Variants in SENP2 observed in about 807,000 individuals in gnomAD.
The protein encoded by SENP2 is SUMO specific peptidase 2.
SENP2 carries 16 observed loss-of-function variants against 86.3 expected under a neutral mutation model. That is an observed-to-expected ratio of 0.19 (90% CI 0.13 to 0.28). The LOEUF (loss-of-function observed/expected upper bound fraction) is 0.28, where lower values mean the gene tolerates loss of function less well. Ranked by LOEUF, SENP2 falls within the 10% of genes least tolerant of loss-of-function variation. The pLI is 1.00. For synonymous variants in SENP2, 222 were observed against 238.7 expected, an observed-to-expected ratio of 0.93 and a Z score of 0.64; for missense variants, 552 against 703.0, an observed-to-expected ratio of 0.79 and a Z score of 2.43.
chr3:185,595,991 A>G (rs1481002142), intron 2 of SENP2, among the ~76,000 whole-genome samples: 1 of 151,782 alleles, frequency 6.6e-6, no homozygotes, highest in Admixed American at 6.6e-5. Context: ...TTTGAGATGG[A>G]GTCTCACGCT....
chr3:185,616,008 G>A (rs559947638), intron 11 of SENP2, among the ~76,000 whole-genome samples: 15 of 151,568 alleles, frequency 9.9e-5, no homozygotes, highest in Admixed American at 3.9e-4. Context: ...GACTACAGGC[G>A]CGTGCCACCA....
chr3:185,594,497 A>G (rs1722110541), intron 2 of SENP2, among the ~76,000 whole-genome samples: 1 of 152,186 alleles, frequency 6.6e-6, no homozygotes, highest in Non-Finnish European at 1.5e-5. Context: ...AAGTTAGGTA[A>G]CCATATCTGG....
intron 1 of SENP2, among the ~76,000 whole-genome samples, 168 bp from the exon 2 acceptor site, chr3:185,589,946 G>T (rs1188570402): frequency 6.6e-6 from 1 of 152,076 alleles, no homozygotes; most frequent in African/African-American, 2.4e-5. Context: ...GGGATTACAG[G>T]CACGAGCCAC....
At chr3:185,598,265 C>A in intron 2 of SENP2, 147 bp from the exon 3 acceptor site, 1 of 824,834 alleles carries the variant, frequency 1.2e-6, no homozygotes, top group Non-Finnish European at 1.9e-6. Context: ...CTCAGCCTCC[C>A]AAAGTGTTGG....
intron 1 of SENP2, among the ~76,000 whole-genome samples, chr3:185,587,460 C>T (rs2148978009): frequency 6.6e-6 from 1 of 152,248 alleles, no homozygotes; most frequent in South Asian, 2.1e-4. Flanking sequence ...TTAGCATCTA[C>T]TCTTTGGAGT....
At chr3:185,616,152 C>T (rs1711593627) in intron 11 of SENP2, among the ~76,000 whole-genome samples, 1 of 147,920 alleles carries the variant, frequency 6.8e-6, no homozygotes, top group South Asian at 2.2e-4. Context: ...TGAGCCACCA[C>T]ACCCAGCCTT....
At chr3:185,614,078 G>C (rs570804655) in intron 10 of SENP2, among the ~76,000 whole-genome samples, 1 of 152,154 alleles carries the variant, frequency 6.6e-6, no homozygotes, top group East Asian at 1.9e-4. Flanking sequence ...TACAATTGTG[G>C]TTATATAGGT....
At chr3:185,594,598 C>T (rs1435485334) in intron 2 of SENP2, among the ~76,000 whole-genome samples, 1 of 151,156 alleles carries the variant, frequency 6.6e-6, no homozygotes, top group Non-Finnish European at 1.5e-5. Context: ...GAAAGAAGAC[C>T]TCAGAATTTC....
intron 2 of SENP2, among the ~76,000 whole-genome samples, chr3:185,595,828 T>G (rs1043274477): frequency 1.5e-4 from 22 of 146,066 alleles, no homozygotes; most frequent in Non-Finnish European, 2.8e-4. Flanking sequence ...TGAGACAGGA[T>G]CTCCCTCTGT....
intron 4 of SENP2, among the ~76,000 whole-genome samples, chr3:185,599,230 A>G (rs181956432): frequency 6.6e-6 from 1 of 152,330 alleles, no homozygotes; most frequent in East Asian, 1.9e-4. Context: ...CAGTGTCCTC[A>G]ATGTGACTTA....
chr3:185,593,669 G>A (rs1254379556), intron 2 of SENP2, among the ~76,000 whole-genome samples: 1 of 151,072 alleles, frequency 6.6e-6, no homozygotes, highest in African/African-American at 2.4e-5. Flanking sequence ...TCTAATATAT[G>A]CTAATCTCCC....
At chr3:185,628,548 C>A (rs559577842) in intron 16 of SENP2, among the ~76,000 whole-genome samples, 1 of 152,100 alleles carries the variant, frequency 6.6e-6, no homozygotes, top group African/African-American at 2.4e-5. Flanking sequence ...TTCTTGTTGC[C>A]CAGGCTGGAG....
At chr3:185,605,000 C>T (rs961971313) in intron 5 of SENP2, among the ~76,000 whole-genome samples, 4 of 151,290 alleles carry the variant, frequency 2.6e-5, no homozygotes, top group African/African-American at 4.8e-5. Flanking sequence ...GTGATCCACC[C>T]GCCTCAGCCT....
At chr3:185,609,052 C>T (rs1301843869) in intron 6 of SENP2, 195 bp from the exon 7 acceptor site, 5 of 491,974 alleles carry the variant, frequency 1.0e-5, no homozygotes, top group Admixed American at 7.0e-5. Flanking sequence ...TGGGATAGCC[C>T]TACATATAGA....
In SENP2 at chr3:185,629,911, A is replaced by G. The variant is rs921338256; in HGVS notation, c.*67A>G. 2 of 1,499,088 alleles carry G rather than the reference A, an allele frequency of 1.3e-6. No individual in the cohort carries two copies. The highest frequency in any genetic ancestry group is 1.1e-5 in the South Asian group (1 of 88,568). The allele number at this position is 1,499,088 out of a possible 1,614,324, so 92.9% of individuals were successfully genotyped here. On this transcript the variant is annotated 3_prime_UTR_variant, in exon 17 of 17. Transcript: ENST00000296257. Reference sequence around the variant, plus strand: ...ACAGACATTTCCATATACCTCATGCATTGTGGGTTAAAAAGTCCCTGCATC... The same window carrying G: ...ACAGACATTTCCATATACCTCATGCGTTGTGGGTTAAAAAGTCCCTGCATC...
chr3:185,619,818 C>T (rs1711774329), intron 13 of SENP2, among the ~76,000 whole-genome samples: 1 of 151,992 alleles, frequency 6.6e-6, no homozygotes. Flanking sequence ...GCCTGGAAGT[C>T]CTGGACTCAG....
chr3:185,621,392 T>TC (rs955065507), intron 13 of SENP2, among the ~76,000 whole-genome samples: 4 of 131,606 alleles, frequency 3.0e-5, no homozygotes, highest in African/African-American at 5.7e-5. Flanking sequence ...TTTTCTTTTT[T>TC]TTTTTTTTTT....
In SENP2 at chr3:185,602,832, TAAA is replaced by T. The variant is rs1156317272; in HGVS notation, c.449+2000_449+2002del. ...TGGGTGACAGAGTGAGACTCTGTCT[TAAA>T]AAAAAAAAAAAAAAAAAAAAAAGTT... On this transcript the variant is annotated intron_variant, in intron 5 of 16. Coordinates refer to ENST00000296257, the MANE Select transcript of SENP2 (RefSeq NM_021627.3). Among the ~76,000 whole-genome samples the T allele has an allele frequency of 4.8e-5, 3 of 63,046 alleles. 1 individual carries two copies. In the South Asian group the frequency reaches 2.0e-3, roughly 43 times the overall value. 41.4% of individuals were successfully genotyped at this position (63,046 alleles called of 152,430 possible).
chr3:185,630,684 A>G lies in SENP2; in HGVS notation c.*840A>G, dbSNP rs1712418744. On this transcript the variant is annotated 3_prime_UTR_variant, in exon 17 of 17. Transcript: ENST00000296257. The stretch of plus-strand genomic sequence containing the variant: ...TGGATTTGAAGTAACTGTAAACCCT[A>G]AATCTTCATTTTCATCCCAGATCTG... 1.3e-5 allele frequency: 2 copies of G among 152,658 alleles called. 1 individual carries two copies. Among genetic ancestry groups the G allele is most frequent in the South Asian group, 4.1e-4 (2 of 4,836 alleles). 9.5% of individuals were successfully genotyped at this position (152,658 alleles called of 1,614,324 possible). A position where few individuals can be genotyped will look rare whatever the true frequency, so the allele number is the denominator to read the frequency against.
Sources: allele counts gnomAD v4.1 joint callset (sites outside exome capture counted in the v4.1 genomes callset), GRCh38; gene constraint gnomAD v4.1.1; transcripts MANE v1.5; gene names NCBI Gene and HGNC (gene_info 2026-07-23, HGNC 2026-07-21).